Variants in TAF1A observed in about 807,000 individuals in gnomAD.
The protein encoded by TAF1A is TATA box-binding protein-associated factor RNA polymerase I subunit A.
TAF1A carries 42 observed loss-of-function variants against 61.6 expected under a neutral mutation model. That is an observed-to-expected ratio of 0.68 (90% CI 0.53 to 0.88). TAF1A has a LOEUF of 0.88. TAF1A is among the 40% of genes least tolerant of loss of function. The pLI, the probability that TAF1A is intolerant of heterozygous loss-of-function variation, is 0.00. For missense variants in TAF1A, 424 were observed against 518.7 expected (o/e 0.82, Z 1.77); for synonymous variants, 179 against 177.7 (o/e 1.01, Z -0.06).
At chr1:222,577,354 T>A in intron 5 of TAF1A, 91 bp downstream of exon 5, 1 of 998,572 alleles carries the variant, frequency 1.0e-6, no homozygotes, top group Non-Finnish European at 1.5e-6. Flanking sequence ...AATATCTGGA[T>A]GAAGTCAATA....
At chr1:222,569,856 A>G (rs2102650688) in intron 6 of TAF1A, among the ~76,000 whole-genome samples, 188 bp from the exon 7 acceptor site, 1 of 152,272 alleles carries the variant, frequency 6.6e-6, no homozygotes, top group African/African-American at 2.4e-5. Context: ...TTCTCTTCCT[A>G]TAAAAAATAA....
chr1:222,560,976 C>A (rs1394394034), intron 10 of TAF1A, among the ~76,000 whole-genome samples: 1 of 152,036 alleles, frequency 6.6e-6, no homozygotes, highest in African/African-American at 2.4e-5. Context: ...CTTACAGAAA[C>A]AGGTAAGTAA....
At chr1:222,566,248 T>C (rs1416468855) in intron 7 of TAF1A, among the ~76,000 whole-genome samples, 1 of 152,112 alleles carries the variant, frequency 6.6e-6, no homozygotes, top group African/African-American at 2.4e-5. Flanking sequence ...ATTAGGGAAA[T>C]GCAAACCAAA....
chr1:222,581,213 G>C (rs1292669922), intron 3 of TAF1A, among the ~76,000 whole-genome samples: 1 of 152,172 alleles, frequency 6.6e-6, no homozygotes, highest in Non-Finnish European at 1.5e-5. Context: ...CCAAAGAAGT[G>C]CTCAAAAACC....
intron 8 of TAF1A, among the ~76,000 whole-genome samples, chr1:222,563,541 A>G (rs1012403798): frequency 2.0e-5 from 3 of 152,176 alleles, no homozygotes; most frequent in Non-Finnish European, 4.4e-5. Flanking sequence ...TGATCTCAAT[A>G]TGGGTTACAC....
At chr1:222,554,297 G>A (rs144641433), downstream of TAF1A, among the ~76,000 whole-genome samples, 361 of 152,260 alleles carry the variant, frequency 2.4e-3, 5 homozygotes, top group African/African-American at 7.8e-3. Flanking sequence ...ACAAAGAGCC[G>A]CCTCTACTCA....
chr1:222,574,348 T>G (rs1197131358), intron 5 of TAF1A, among the ~76,000 whole-genome samples: 1 of 152,130 alleles, frequency 6.6e-6, no homozygotes. Flanking sequence ...ACTCTGACAA[T>G]AACAAATGTT....
intron 3 of TAF1A, among the ~76,000 whole-genome samples, chr1:222,582,026 A>G (rs1425693506): frequency 2.6e-5 from 4 of 152,230 alleles, no homozygotes; most frequent in East Asian, 3.8e-4. Flanking sequence ...TATAGCCTGA[A>G]GGTAATTTTA....
At chr1:222,565,460 T>C (rs1660077905) in intron 7 of TAF1A, among the ~76,000 whole-genome samples, 1 of 152,246 alleles carries the variant, frequency 6.6e-6, no homozygotes, top group South Asian at 2.1e-4. Flanking sequence ...TTGTCTTGAA[T>C]ATAAATATGA....
chr1:222,571,013 G>A (rs949725197), intron 5 of TAF1A, among the ~76,000 whole-genome samples: 3 of 152,128 alleles, frequency 2.0e-5, no homozygotes, highest in African/African-American at 7.2e-5. Context: ...TATACATCAT[G>A]TCCAAGTCGG....
intron 3 of TAF1A, among the ~76,000 whole-genome samples, chr1:222,581,169 C>T (rs1458353944): frequency 1.3e-5 from 2 of 152,162 alleles, no homozygotes; most frequent in Non-Finnish European, 2.9e-5. Context: ...GGAATTTATA[C>T]TTTGAATGAA....
chr1:222,571,322 A>G (rs926960591), intron 5 of TAF1A, among the ~76,000 whole-genome samples: 1 of 152,198 alleles, frequency 6.6e-6, no homozygotes, highest in Admixed American at 6.5e-5. Context: ...AAAATCAGTA[A>G]TAAGACAAAA....
intron 8 of TAF1A, among the ~76,000 whole-genome samples, chr1:222,563,735 A>T (rs1345898261): frequency 6.6e-6 from 1 of 152,224 alleles, no homozygotes; most frequent in African/African-American, 2.4e-5. Flanking sequence ...ATTAAAATGG[A>T]GTGAATTATA....
chr1:222,585,265 G>C (rs529497270), intron 2 of TAF1A, among the ~76,000 whole-genome samples: 1 of 152,086 alleles, frequency 6.6e-6, no homozygotes, highest in African/African-American at 2.4e-5. Context: ...AAAATTCACA[G>C]ACCTGATACA....
Position 222,589,834 on chromosome 1 carries a change from G to A in TAF1A, c.-110C>T, listed in dbSNP as rs1171471469. 5.2e-6 allele frequency: 2 copies of A among 383,764 alleles called. No individual in the cohort carries two copies. Among genetic ancestry groups the A allele is most frequent in the East Asian group, 7.5e-5 (2 of 26,814 alleles). The allele number at this position is 383,764 out of a possible 1,614,324, so 23.8% of individuals were successfully genotyped here. On this transcript the variant is annotated 5_prime_UTR_variant, in exon 1 of 11. Coordinates refer to ENST00000352967, the MANE Select transcript of TAF1A (RefSeq NM_005681.4). ...AGTTAGGAGAGCTTTATATGAGCAGGCGCTAAACCTGGTTTAGGTATTTAG... is the reference window on the plus strand; with the variant it reads ...AGTTAGGAGAGCTTTATATGAGCAGACGCTAAACCTGGTTTAGGTATTTAG...
intron 7 of TAF1A, among the ~76,000 whole-genome samples, chr1:222,568,181 G>T: frequency 1.7e-5 from 2 of 119,412 alleles, no homozygotes; most frequent in East Asian, 2.4e-4. Context: ...AACACATCTA[G>T]AAAAAAAAAA....
At chr1:222,568,662 T>C (rs1446688446) in intron 7 of TAF1A, among the ~76,000 whole-genome samples, 1 of 152,204 alleles carries the variant, frequency 6.6e-6, no homozygotes, top group East Asian at 1.9e-4. Flanking sequence ...ATGTCGATGG[T>C]ACAGTCACTT....
At chr1:222,585,788 C>T (rs1220568902) in intron 2 of TAF1A, among the ~76,000 whole-genome samples, 1 of 151,922 alleles carries the variant, frequency 6.6e-6, no homozygotes. Context: ...CATAAAATGT[C>T]CATCTATTAA....
chr1:222,572,426 T>C (rs868012740), intron 5 of TAF1A, among the ~76,000 whole-genome samples: 35 of 152,122 alleles, frequency 2.3e-4, no homozygotes, highest in Admixed American at 5.2e-4. Context: ...TGATTTCAGC[T>C]TACTGAAGCC....
Sources: gnomAD v4.1 joint callset for allele counts (sites outside exome capture counted in the v4.1 genomes callset) on GRCh38, gnomAD v4.1.1 for gene constraint, MANE v1.5 for transcripts, NCBI Gene and HGNC (gene_info 2026-07-23, HGNC 2026-07-21) for gene names.